JARID2: variants seen among roughly 807,000 people sequenced by gnomAD.
JARID2 encodes the protein protein Jumonji.
A neutral mutation model predicts 125.6 loss-of-function variants in JARID2; 21 were observed. The ratio of observed to expected loss-of-function variants is 0.17; its 90% confidence interval spans 0.12 to 0.24. JARID2 has a LOEUF of 0.24. Among genes scored for constraint, JARID2 ranks in the 10% least tolerant of loss-of-function variants. The pLI, the probability that JARID2 is intolerant of heterozygous loss-of-function variation, is 1.00. For missense variants in JARID2, 1,303 were observed against 1,639.6 expected (o/e 0.79, Z 3.55); for synonymous variants, 736 against 661.6 (o/e 1.11, Z -1.73).
At position 15,281,030 on chromosome 6, in the gene JARID2, C is replaced by T. The variant is rs540530869; in HGVS notation, c.45+34446C>T. 1.2e-4 allele frequency among the ~76,000 whole-genome samples: 18 copies of T among 152,234 alleles called. No homozygotes were observed. The South Asian group carries it at 2.7e-3, about 23-fold the overall frequency. On this transcript the variant is annotated intron_variant, in intron 1 of 17. Coordinates refer to ENST00000341776, the MANE Select transcript of JARID2 (RefSeq NM_004973.4). The stretch of plus-strand genomic sequence containing the variant: ...TAGGAAATCCAAGCAGGTATCACAC[C>T]GTGCCGTCATATGAGTGATAACTGG...
At chr6:15,296,813 C>T (rs955763568) in intron 1 of JARID2, among the ~76,000 whole-genome samples, 1 of 152,204 alleles carries the variant, frequency 6.6e-6, no homozygotes, top group Non-Finnish European at 1.5e-5. Context: ...GTGTTCCCAG[C>T]CCCCTGTCTT....
intron 2 of JARID2, among the ~76,000 whole-genome samples, chr6:15,401,319 T>G (rs1463025338): frequency 6.6e-6 from 1 of 152,238 alleles, no homozygotes; most frequent in East Asian, 1.9e-4. Context: ...AGCATTAAGC[T>G]CTGTTGACCA....
intron 1 of JARID2, among the ~76,000 whole-genome samples, chr6:15,326,401 T>C (rs1762535433): frequency 6.6e-6 from 1 of 152,250 alleles, no homozygotes. Context: ...GGGGTCTCAC[T>C]ATGTTGCTCA....
intron 1 of JARID2, among the ~76,000 whole-genome samples, chr6:15,320,460 C>T (rs1206582123): frequency 1.3e-5 from 2 of 152,114 alleles, no homozygotes; most frequent in Admixed American, 6.5e-5. Flanking sequence ...GGATTGGTAG[C>T]TTTGGGGGAT....
Position 15,513,058 on chromosome 6 carries a change from C to G in JARID2, c.3266+13C>G. On this transcript the variant is annotated intron_variant, in intron 15 of 17. Transcript: ENST00000341776. Reference sequence around the variant, plus strand: ...TGGATGAGCTCAGGTAACAGACCCCCAGAGCCCACGCCAGAGAGCTGGACC... The same window carrying G: ...TGGATGAGCTCAGGTAACAGACCCCGAGAGCCCACGCCAGAGAGCTGGACC... The G allele has an allele frequency of 6.2e-7, 1 of 1,614,044 alleles. No individual in the cohort carries two copies. Among genetic ancestry groups the G allele is most frequent in the Non-Finnish European group, 8.5e-7 (1 of 1,180,014 alleles).
intron 1 of JARID2, among the ~76,000 whole-genome samples, chr6:15,331,448 C>T (rs368611534): frequency 7.9e-5 from 12 of 152,048 alleles, no homozygotes; most frequent in Admixed American, 2.6e-4. Flanking sequence ...TCTTTTTGAG[C>T]AACACTTTAA....
intron 4 of JARID2, among the ~76,000 whole-genome samples, chr6:15,467,916 G>A (rs767343469): frequency 1.4e-4 from 22 of 152,162 alleles, no homozygotes; most frequent in Non-Finnish European, 3.1e-4. Context: ...TGAGGAGATC[G>A]GTTCCCCCGT....
At chr6:15,313,718 G>A (rs1401621937) in intron 1 of JARID2, among the ~76,000 whole-genome samples, 1 of 152,184 alleles carries the variant, frequency 6.6e-6, no homozygotes, top group African/African-American at 2.4e-5. Context: ...ACACTCTCTG[G>A]CTGATGTATA....
At chr6:15,472,840 TAA>T (rs1769142870) in intron 5 of JARID2, among the ~76,000 whole-genome samples, 1 of 152,230 alleles carries the variant, frequency 6.6e-6, no homozygotes, top group African/African-American at 2.4e-5. Flanking sequence ...CTCTGCAATT[TAA>T]TTCATTGCTC....
intron 5 of JARID2, among the ~76,000 whole-genome samples, chr6:15,479,932 T>C (rs1421494922): frequency 6.6e-6 from 1 of 152,222 alleles, no homozygotes; most frequent in Non-Finnish European, 1.5e-5. Context: ...TTCCATTGTT[T>C]TCAGACAATA....
chr6:15,374,102 CTTA>C lies in JARID2; in HGVS notation c.46-13_46-11del, dbSNP rs1561820627. ...TTCTATTCAGTAACTCCTCTCTTTT[CTTA>C]TGTTTCTTCAGGATGACAGTGATGG... On this transcript the variant is annotated splice_polypyrimidine_tract_variant and intron_variant, in intron 1 of 17. Transcript: ENST00000341776. The C allele has an allele frequency of 1.7e-5, 27 of 1,610,942 alleles. No homozygotes were observed. The highest frequency in any genetic ancestry group is 2.3e-5 in the Non-Finnish European group (27 of 1,178,724).
At chr6:15,327,780 G>T (rs564211273) in intron 1 of JARID2, among the ~76,000 whole-genome samples, 3 of 152,164 alleles carry the variant, frequency 2.0e-5, no homozygotes, top group Non-Finnish European at 4.4e-5. Context: ...AATGGGCTTG[G>T]TTGTGACCTG....
intron 4 of JARID2, among the ~76,000 whole-genome samples, chr6:15,452,746 G>C (rs946306310): frequency 2.6e-5 from 4 of 152,300 alleles, no homozygotes; most frequent in Middle Eastern, 3.4e-3. Flanking sequence ...GGGATCTGCT[G>C]AATAGAGTTA....
At chr6:15,250,830 A>G (rs1166391397) in intron 1 of JARID2, among the ~76,000 whole-genome samples, 5 of 152,112 alleles carry the variant, frequency 3.3e-5, no homozygotes, top group African/African-American at 1.2e-4. Context: ...CAGTGTTAAT[A>G]TATACCGTAC....
At chr6:15,248,801 A>G (rs1417784378) in intron 1 of JARID2, 2 of 521,930 alleles carry the variant, frequency 3.8e-6, no homozygotes, top group Non-Finnish European at 4.9e-6. Context: ...CGTGACGTCA[A>G]AAGTCGGGCG....
At chr6:15,487,272 A>G (rs1769919311) in intron 5 of JARID2, 35 bp from the exon 6 acceptor site, 12 of 1,564,930 alleles carry the variant, frequency 7.7e-6, no homozygotes, top group Non-Finnish European at 9.6e-6. Flanking sequence ...TGGTCAAGGT[A>G]GTGATTTCAT....
chr6:15,246,369 A>T lies in JARID2; in HGVS notation c.-171A>T. 1.8e-6 allele frequency: 1 copy of T among 549,276 alleles called. No homozygotes were observed. The highest frequency in any genetic ancestry group is 3.2e-6 in the Non-Finnish European group (1 of 311,034). 34.0% of individuals were successfully genotyped at this position (549,276 alleles called of 1,614,324 possible). A position where few individuals can be genotyped will look rare whatever the true frequency, so the allele number is the denominator to read the frequency against. On this transcript the variant is annotated 5_prime_UTR_variant, in exon 1 of 18. Transcript: ENST00000341776. ...CTTTTTTTTTCCTTCCCAATTTCGG[A>T]TTTATTTCAAGGCGAATCTGGCTTT...
intron 1 of JARID2, among the ~76,000 whole-genome samples, chr6:15,269,469 C>T (rs553871805): frequency 3.3e-5 from 5 of 152,070 alleles, no homozygotes; most frequent in Non-Finnish European, 5.9e-5. Flanking sequence ...TCAAGAGATC[C>T]TCCTGCCTTC....
At chr6:15,495,532 GC>G (rs1325739772) in intron 6 of JARID2, among the ~76,000 whole-genome samples, 7 of 152,222 alleles carry the variant, frequency 4.6e-5, no homozygotes, top group Non-Finnish European at 1.5e-5. Flanking sequence ...TCTGGGCCTG[GC>G]CTGCCACCCG....
Sources: gnomAD v4.1 joint callset for allele counts (sites outside exome capture counted in the v4.1 genomes callset) on GRCh38, gnomAD v4.1.1 for gene constraint, MANE v1.5 for transcripts, NCBI Gene and HGNC (gene_info 2026-07-23, HGNC 2026-07-21) for gene names.